The following NPSR1 variants were observed in gnomAD, a reference collection of about 807,000 sequenced individuals.
NPSR1 encodes neuropeptide S receptor.
A neutral mutation model predicts 46.9 loss-of-function variants in NPSR1; 48 were observed. The observed-to-expected ratio is 1.02, with a 90% CI of 0.81 to 1.30. The LOEUF (loss-of-function observed/expected upper bound fraction) is 1.30, where lower values mean the gene tolerates loss of function less well. Among genes scored for constraint, NPSR1 ranks in the 50% most tolerant of loss-of-function variants. The pLI, the probability that NPSR1 is intolerant of heterozygous loss-of-function variation, is 0.00. For synonymous variants in NPSR1, 176 were observed against 168.1 expected (o/e 1.05, Z -0.36); for missense variants, 450 against 449.5 (o/e 1.00, Z -0.01).
At chr7:34,717,220 C>T (rs1171457108) in intron 2 of NPSR1, among the ~76,000 whole-genome samples, 1 of 152,222 alleles carries the variant, frequency 6.6e-6, no homozygotes, top group South Asian at 2.1e-4. Flanking sequence ...GCAACCTCCA[C>T]TTCCCGGGTT....
intron 8 of NPSR1, among the ~76,000 whole-genome samples, chr7:34,868,618 C>G (rs1791377086): frequency 6.6e-6 from 1 of 151,640 alleles, no homozygotes; most frequent in Admixed American, 6.6e-5. Context: ...AAACCTCCCA[C>G]TAAGGGAAGA....
intron 2 of NPSR1, among the ~76,000 whole-genome samples, chr7:34,774,132 C>T (rs1242922023): frequency 2.0e-5 from 3 of 152,186 alleles, no homozygotes; most frequent in African/African-American, 7.2e-5. Flanking sequence ...TTGGGAAGAC[C>T]TTCCTTCTCC....
At chr7:34,739,613 C>T (rs879941921) in intron 2 of NPSR1, among the ~76,000 whole-genome samples, 6 of 152,166 alleles carry the variant, frequency 3.9e-5, no homozygotes, top group African/African-American at 7.2e-5. Flanking sequence ...TGATGTAGTA[C>T]TCTCCCCACT....
At position 34,857,465 on chromosome 7, in the gene NPSR1, G is replaced by A. The variant is rs1791075280; in HGVS notation, c.1025+8802G>A. The stretch of plus-strand genomic sequence containing the variant: ...TCCAGGGAAAGATGCCCACATATAG[G>A]TAAACGATTTGTTTCAGTGGTAACA... On this transcript the variant is annotated intron_variant, in intron 8 of 8. Transcript: ENST00000359791. 2.0e-5 allele frequency among the ~76,000 whole-genome samples: 3 copies of A among 151,754 alleles called. No homozygotes were observed. In the South Asian group the frequency reaches 6.2e-4, roughly 31 times the overall value.
chr7:34,727,642 A>T (rs1231757925), intron 2 of NPSR1, among the ~76,000 whole-genome samples: 1 of 152,240 alleles, frequency 6.6e-6, no homozygotes, highest in Admixed American at 6.5e-5. Flanking sequence ...ACAAATAAGC[A>T]AGTGAATGAA....
rs1053403110 is a variant in NPSR1, at chr7:34,839,099, C to T, written c.757+4639C>T. On this transcript the variant is annotated intron_variant, in intron 6 of 8. Transcript: ENST00000360581. ...TAAGAGAAGCCCATTAACTGCTGTC[C>T]ATATCAGCTTCTTCATCAGTAACTG... Among the ~76,000 whole-genome samples the T allele has an allele frequency of 1.2e-4, 19 of 152,174 alleles. 1 individual carries two copies. Among genetic ancestry groups the T allele is most frequent in the African/African-American group, 4.1e-4 (17 of 41,460 alleles).
intron 4 of NPSR1, among the ~76,000 whole-genome samples, chr7:34,826,211 C>A (rs1339243967): frequency 2.0e-5 from 3 of 152,110 alleles, no homozygotes; most frequent in African/African-American, 4.8e-5. Flanking sequence ...TAATTCTACC[C>A]CAAGACTCCT....
At chr7:34,814,608 C>G (rs1413740890) in intron 4 of NPSR1, among the ~76,000 whole-genome samples, 1 of 152,240 alleles carries the variant, frequency 6.6e-6, no homozygotes, top group Non-Finnish European at 1.5e-5. Flanking sequence ...TCCCTGACAC[C>G]TGTGTATGCT....
At chr7:34,804,088 A>T (rs1278224224) in intron 3 of NPSR1, among the ~76,000 whole-genome samples, 1 of 152,122 alleles carries the variant, frequency 6.6e-6, no homozygotes, top group Non-Finnish European at 1.5e-5. Flanking sequence ...AAATGGTAAC[A>T]ATTATCTGCA....
At chr7:34,750,769 AC>A in intron 2 of NPSR1, 1 of 693,160 alleles carries the variant, frequency 1.4e-6, no homozygotes, top group South Asian at 1.4e-5. Flanking sequence ...GCTGTGACAC[AC>A]AGTAGGCCAG....
downstream of NPSR1, among the ~76,000 whole-genome samples, chr7:34,854,638 TA>T (rs1791012265): frequency 6.6e-6 from 1 of 152,200 alleles, no homozygotes; most frequent in Non-Finnish European, 1.5e-5. Flanking sequence ...TCCAGGCATT[TA>T]AAAACATGGC....
chr7:34,741,627 C>T (rs993521025), intron 2 of NPSR1, among the ~76,000 whole-genome samples: 1 of 152,114 alleles, frequency 6.6e-6, no homozygotes, highest in African/African-American at 2.4e-5. Context: ...CTTCAGGGAC[C>T]CTGGGAATAT....
At chr7:34,773,450 C>A (rs1262269527) in intron 2 of NPSR1, among the ~76,000 whole-genome samples, 1 of 152,074 alleles carries the variant, frequency 6.6e-6, no homozygotes, top group Non-Finnish European at 1.5e-5. Context: ...ATCTAAAAGC[C>A]CCCAGATAAC....
At chr7:34,817,821 A>G (rs978690985) in intron 4 of NPSR1, among the ~76,000 whole-genome samples, 3 of 152,246 alleles carry the variant, frequency 2.0e-5, no homozygotes, top group African/African-American at 4.8e-5. Context: ...CAAAAATCAC[A>G]TGATTATCTC....
At chr7:34,706,967 G>T (rs1288525299) in intron 2 of NPSR1, among the ~76,000 whole-genome samples, 1 of 152,082 alleles carries the variant, frequency 6.6e-6, no homozygotes, top group Non-Finnish European at 1.5e-5. Flanking sequence ...GGTGGGCCAT[G>T]TTCATTGAGA....
chr7:34,840,859 C>T (rs992342767), intron 6 of NPSR1, among the ~76,000 whole-genome samples: 1 of 152,150 alleles, frequency 6.6e-6, no homozygotes, highest in Non-Finnish European at 1.5e-5. Context: ...CACTGAGACA[C>T]CTCCTTGGGT....
At chr7:34,823,913 A>G (rs1048145949) in intron 4 of NPSR1, among the ~76,000 whole-genome samples, 4 of 152,158 alleles carry the variant, frequency 2.6e-5, no homozygotes, top group African/African-American at 9.7e-5. Context: ...CTCAGTTTCA[A>G]CCAAAGATAC....
intron 2 of NPSR1, among the ~76,000 whole-genome samples, chr7:34,746,375 T>A (rs1238319019): frequency 6.6e-6 from 1 of 152,240 alleles, no homozygotes; most frequent in Non-Finnish European, 1.5e-5. Context: ...CAGCATATAT[T>A]TATCATTATC....
chr7:34,849,728 T>A lies in NPSR1; in HGVS notation c.*73T>A. 1 of 1,591,458 alleles carries A rather than the reference T, an allele frequency of 6.3e-7. No individual in the cohort carries two copies. The highest frequency in any genetic ancestry group is 8.6e-7 in the Non-Finnish European group (1 of 1,169,254). On this transcript the variant is annotated 3_prime_UTR_variant, in exon 9 of 9. Coordinates refer to ENST00000360581, the MANE Select transcript of NPSR1 (RefSeq NM_207172.2). ...GGTCCTTGTCACCTGCTTGGGCACGTGCATGGAACCCGAGCCAACTTCACC... is the reference window on the plus strand; with the variant it reads ...GGTCCTTGTCACCTGCTTGGGCACGAGCATGGAACCCGAGCCAACTTCACC...
Sources: allele counts gnomAD v4.1 joint callset (sites outside exome capture counted in the v4.1 genomes callset), GRCh38; gene constraint gnomAD v4.1.1; transcripts MANE v1.5; gene names NCBI Gene and HGNC (gene_info 2026-07-23, HGNC 2026-07-21).